The following NRG3 variants were observed in gnomAD, a reference collection of about 807,000 sequenced individuals.
NRG3 encodes neuregulin 3.
Under a neutral mutation model 66.9 loss-of-function variants are expected in NRG3, and 31 were observed. The observed-to-expected ratio is 0.46, with a 90% confidence interval of 0.35 to 0.63. The LOEUF is 0.63. Ranked by LOEUF, NRG3 falls within the 20% of genes least tolerant of loss-of-function variation. The probability of loss-of-function intolerance (pLI) is 0.00; values close to 1 mark genes in which losing one functional copy is unlikely to be tolerated. For synonymous variants in NRG3, 393 were observed against 359.4 expected (o/e 1.09, Z -1.06); for missense variants, 910 against 878.9 (o/e 1.04, Z -0.45).
intron 2 of NRG3, among the ~76,000 whole-genome samples, chr10:82,541,146 A>G (rs1389457124): frequency 6.6e-6 from 1 of 152,204 alleles, no homozygotes; most frequent in Non-Finnish European, 1.5e-5. Flanking sequence ...TAAGCTACTC[A>G]GTCACTGGTA....
At chr10:82,664,641 G>A (rs1390988032) in intron 2 of NRG3, among the ~76,000 whole-genome samples, 1 of 151,998 alleles carries the variant, frequency 6.6e-6, no homozygotes, top group African/African-American at 2.4e-5. Context: ...TGGATGGAGG[G>A]TCTTCAGGGG....
chr10:82,886,235 T>G (rs1451243471), intron 4 of NRG3, among the ~76,000 whole-genome samples: 2 of 151,996 alleles, frequency 1.3e-5, no homozygotes, highest in East Asian at 3.9e-4. Flanking sequence ...CATGGAAGAG[T>G]GTATTATTTT....
intron 1 of NRG3, among the ~76,000 whole-genome samples, chr10:81,910,311 A>G (rs1845008391): frequency 6.6e-6 from 1 of 152,192 alleles, no homozygotes; most frequent in African/African-American, 2.4e-5. Context: ...GCAGGAAGAT[A>G]TTTGCAAGAA....
At chr10:82,111,568 C>T (rs973634) in intron 1 of NRG3, among the ~76,000 whole-genome samples, 62,047 of 151,926 alleles carry the variant, frequency 0.41, 14,247 homozygotes, top group Non-Finnish European at 0.53. Flanking sequence ...TAGGTACTCA[C>T]CCAGAGTCAG....
chr10:82,553,665 G>A (rs901198595), intron 2 of NRG3, among the ~76,000 whole-genome samples: 12 of 152,036 alleles, frequency 7.9e-5, no homozygotes, highest in Admixed American at 4.6e-4. Flanking sequence ...ATATATGCTG[G>A]GAGCTGGTGC....
In NRG3 at chr10:82,581,330, C is replaced by G. The variant is rs1028669454; in HGVS notation, c.954-157247C>G. Among the ~76,000 whole-genome samples the G allele has an allele frequency of 2.6e-5, 4 of 151,914 alleles. 1 individual carries two copies. The highest frequency in any genetic ancestry group is 5.9e-5 in the Non-Finnish European group (4 of 67,906). On this transcript the variant is annotated intron_variant, in intron 2 of 8. Transcript: ENST00000372141. The stretch of plus-strand genomic sequence containing the variant: ...AAAAATTCCTTATATATTTTTCATA[C>G]AAGTTCTTTCTCAGACAGATACGTG...
intron 1 of NRG3, among the ~76,000 whole-genome samples, chr10:82,125,434 T>C (rs776739139): frequency 6.6e-6 from 1 of 152,086 alleles, no homozygotes; most frequent in Admixed American, 6.6e-5. Flanking sequence ...GTGGATGTCA[T>C]TTAATCAACA....
chr10:82,343,614 G>C (rs2082800758), intron 1 of NRG3, among the ~76,000 whole-genome samples: 3 of 152,144 alleles, frequency 2.0e-5, no homozygotes, highest in African/African-American at 7.2e-5. Flanking sequence ...AACAAAGCTG[G>C]AGGCATCGCA....
intron 2 of NRG3, among the ~76,000 whole-genome samples, chr10:82,385,606 T>C (rs987327319): frequency 6.6e-6 from 1 of 152,116 alleles, no homozygotes; most frequent in Non-Finnish European, 1.5e-5. Flanking sequence ...AGAGACTCTA[T>C]ACAAGGAATA....
chr10:82,473,479 A>C (rs191843617), intron 2 of NRG3, among the ~76,000 whole-genome samples: 11 of 152,194 alleles, frequency 7.2e-5, no homozygotes, highest in African/African-American at 1.4e-4. Flanking sequence ...ACAAACCAAC[A>C]AACAAACAAA....
At chr10:82,551,919 C>T (rs2044334359) in intron 2 of NRG3, among the ~76,000 whole-genome samples, 1 of 151,842 alleles carries the variant, frequency 6.6e-6, no homozygotes, top group Admixed American at 6.6e-5. Context: ...CTTTTTTAGT[C>T]TACATGTTCA....
intron 6 of NRG3, among the ~76,000 whole-genome samples, chr10:82,968,786 A>G (rs1851452789): frequency 6.6e-6 from 1 of 152,176 alleles, no homozygotes; most frequent in South Asian, 2.1e-4. Context: ...AGCCCGTATT[A>G]GTCCATTTTC....
intron 3 of NRG3, among the ~76,000 whole-genome samples, chr10:82,778,795 AT>A (rs1285932132): frequency 3.3e-5 from 5 of 151,952 alleles, no homozygotes; most frequent in Non-Finnish European, 7.4e-5. Flanking sequence ...CAAAGGCTAA[AT>A]TTCCGAGGAG....
intron 2 of NRG3, among the ~76,000 whole-genome samples, chr10:82,487,821 A>T (rs1260729478): frequency 6.6e-6 from 1 of 152,312 alleles, no homozygotes; most frequent in East Asian, 1.9e-4. Flanking sequence ...TGAATTTTAA[A>T]TCCAATTCGT....
chr10:82,785,009 G>A (rs2060286345), intron 3 of NRG3, among the ~76,000 whole-genome samples: 1 of 152,056 alleles, frequency 6.6e-6, no homozygotes, highest in African/African-American at 2.4e-5. Context: ...TATACACCAT[G>A]GAATACTATG....
intron 2 of NRG3, among the ~76,000 whole-genome samples, chr10:82,592,931 A>G (rs1346778868): frequency 6.6e-6 from 1 of 152,178 alleles, no homozygotes; most frequent in Non-Finnish European, 1.5e-5. Flanking sequence ...GCTCAGACTT[A>G]GACACTTGCT....
At chr10:82,477,026 G>A (rs1285428874) in intron 2 of NRG3, among the ~76,000 whole-genome samples, 1 of 152,128 alleles carries the variant, frequency 6.6e-6, no homozygotes, top group Non-Finnish European at 1.5e-5. Context: ...CTACTTCTGG[G>A]CCAGGGTGAA....
At chr10:81,898,122 C>G (rs1441610551) in intron 1 of NRG3, among the ~76,000 whole-genome samples, 1 of 152,164 alleles carries the variant, frequency 6.6e-6, no homozygotes, top group African/African-American at 2.4e-5. Flanking sequence ...CCTGCTAATC[C>G]TGTTAGGAGG....
intron 1 of NRG3, among the ~76,000 whole-genome samples, chr10:82,157,905 C>T (rs2071299571): frequency 6.6e-6 from 1 of 151,646 alleles, no homozygotes; most frequent in Non-Finnish European, 1.5e-5. Context: ...CAAACATTAT[C>T]AAGTGATGTT....
Sources: gnomAD v4.1 joint callset for allele counts (sites outside exome capture counted in the v4.1 genomes callset) on GRCh38, gnomAD v4.1.1 for gene constraint, MANE v1.5 for transcripts, NCBI Gene and HGNC (gene_info 2026-07-23, HGNC 2026-07-21) for gene names.